Variants in NRG3 observed in about 807,000 individuals in gnomAD.
NRG3 encodes the protein pro-neuregulin-3, membrane-bound isoform.
Under a neutral mutation model 66.9 loss-of-function variants are expected in NRG3, and 31 were observed. The observed-to-expected ratio is 0.46, with a 90% confidence interval of 0.35 to 0.63. NRG3 has a LOEUF of 0.63. NRG3 is among the 20% of genes least tolerant of loss of function. The pLI, the probability that NRG3 is intolerant of heterozygous loss-of-function variation, is 0.00. For synonymous variants in NRG3, 393 were observed against 359.4 expected (o/e 1.09, Z -1.06); for missense variants, 910 against 878.9 (o/e 1.04, Z -0.45).
At chr10:82,347,896 CT>C in intron 1 of NRG3, among the ~76,000 whole-genome samples, 1 of 151,674 alleles carries the variant, frequency 6.6e-6, no homozygotes, top group South Asian at 2.1e-4. Context: ...CAACCCCTGC[CT>C]TTTTTTGTTT....
intron 2 of NRG3, among the ~76,000 whole-genome samples, chr10:82,457,737 T>G (rs1384126592): frequency 6.6e-6 from 1 of 152,202 alleles, no homozygotes; most frequent in Non-Finnish European, 1.5e-5. Context: ...GAAGATCCCC[T>G]GACCAGCATC....
At chr10:82,401,179 C>T (rs2136054279) in intron 2 of NRG3, among the ~76,000 whole-genome samples, 1 of 152,096 alleles carries the variant, frequency 6.6e-6, no homozygotes, top group Admixed American at 6.5e-5. Context: ...GTAAGCTAAA[C>T]CTAGAAGACT....
At position 82,957,550 on chromosome 10, in the gene NRG3, C is replaced by T. The variant is rs182809577; in HGVS notation, c.1158-1399C>T. 4.7e-4 allele frequency among the ~76,000 whole-genome samples: 71 copies of T among 152,034 alleles called. No homozygotes were observed. In the South Asian group the frequency reaches 8.7e-3, roughly 19 times the overall value. The stretch of plus-strand genomic sequence containing the variant: ...GAGAAGGACATGAAGGGAGCAGTCA[C>T]GTAGGCAAATGCCTGATTACAAGAA... On this transcript the variant is annotated intron_variant, in intron 5 of 8. Transcript: ENST00000372141.
chr10:82,722,189 G>A (rs988508520), intron 2 of NRG3, among the ~76,000 whole-genome samples: 2 of 152,264 alleles, frequency 1.3e-5, no homozygotes, highest in Middle Eastern at 3.4e-3. Flanking sequence ...GACCCCTTAT[G>A]CCCTTTGATG....
Position 82,600,238 on chromosome 10 carries a change from C to T in NRG3, c.954-138339C>T, listed in dbSNP as rs529099184. 5.6e-4 allele frequency among the ~76,000 whole-genome samples: 85 copies of T among 152,196 alleles called. 1 individual carries two copies. Among genetic ancestry groups the T allele is most frequent in the African/African-American group, 1.9e-3 (79 of 41,526 alleles). On this transcript the variant is annotated intron_variant, in intron 2 of 8. Coordinates refer to ENST00000372141, the MANE Select transcript of NRG3 (RefSeq NM_001010848.4). ...AAATGAACACAGCTAGAAATCTGCACTCAAGTGTTCATCCTGCCAGTAGTT... is the reference window on the plus strand; with the variant it reads ...AAATGAACACAGCTAGAAATCTGCATTCAAGTGTTCATCCTGCCAGTAGTT...
chr10:82,013,037 A>G (rs1369410733), intron 1 of NRG3, among the ~76,000 whole-genome samples: 1 of 152,064 alleles, frequency 6.6e-6, no homozygotes, highest in African/African-American at 2.4e-5. Flanking sequence ...ACCCCACTCT[A>G]CCAGTACCAA....
At chr10:82,315,505 T>C (rs1187266976) in intron 1 of NRG3, among the ~76,000 whole-genome samples, 2 of 123,046 alleles carry the variant, frequency 1.6e-5, no homozygotes, top group African/African-American at 3.1e-5. Flanking sequence ...GGCAGGAAAT[T>C]AGAAGGCAGT....
intron 1 of NRG3, among the ~76,000 whole-genome samples, chr10:81,882,242 G>C (rs1459151691): frequency 6.6e-6 from 1 of 152,080 alleles, no homozygotes; most frequent in Non-Finnish European, 1.5e-5. Context: ...CTGTGCAGTG[G>C]GCCTCTTTGG....
chr10:82,659,606 T>C, intron 2 of NRG3, among the ~76,000 whole-genome samples: 1 of 152,078 alleles, frequency 6.6e-6, no homozygotes, highest in East Asian at 1.9e-4. Context: ...ATCGTGCCAC[T>C]GCACTTCAGC....
chr10:82,705,023 C>T (rs1565221077), intron 2 of NRG3, among the ~76,000 whole-genome samples: 1 of 152,038 alleles, frequency 6.6e-6, no homozygotes, highest in Non-Finnish European at 1.5e-5. Flanking sequence ...TAATAGTGTT[C>T]ACAAACAATT....
chr10:81,935,568 GAAC>G (rs560321910), intron 1 of NRG3, among the ~76,000 whole-genome samples: 18 of 151,886 alleles, frequency 1.2e-4, no homozygotes, highest in African/African-American at 2.2e-4. Flanking sequence ...CTATTTCAGG[GAAC>G]AACAACAACA....
intron 6 of NRG3, among the ~76,000 whole-genome samples, chr10:82,965,840 G>A (rs1341727629): frequency 1.3e-5 from 2 of 152,114 alleles, no homozygotes; most frequent in Non-Finnish European, 2.9e-5. Flanking sequence ...TAGGTGAACT[G>A]TTTTGCTGAG....
chr10:82,611,607 T>G (rs1029058110), intron 2 of NRG3, among the ~76,000 whole-genome samples: 2 of 152,210 alleles, frequency 1.3e-5, no homozygotes, highest in Admixed American at 1.3e-4. Context: ...CTCATCCTTT[T>G]TTATGGCTGC....
At chr10:82,709,815 C>T (rs1488328055) in intron 2 of NRG3, among the ~76,000 whole-genome samples, 3 of 152,210 alleles carry the variant, frequency 2.0e-5, no homozygotes, top group Non-Finnish European at 4.4e-5. Context: ...TTCCCATTGT[C>T]TGGGTCCAGG....
rs577403546 is a variant in NRG3, at chr10:82,702,987, A to G, written c.954-35590A>G. On this transcript the variant is annotated intron_variant, in intron 2 of 8. Coordinates refer to ENST00000372141, the MANE Select transcript of NRG3 (RefSeq NM_001010848.4). ...CTGCCATTTTTTTTGTTGTTATTTT[A>G]TCTATTTTTTCTTGGTCTCCTTCCT... 1.5e-4 allele frequency among the ~76,000 whole-genome samples: 23 copies of G among 150,638 alleles called. 1 individual carries two copies. In the South Asian group the frequency reaches 2.9e-3, roughly 19 times the overall value.
chr10:82,110,737 G>C (rs991429945), intron 1 of NRG3, among the ~76,000 whole-genome samples: 5 of 152,100 alleles, frequency 3.3e-5, no homozygotes, highest in African/African-American at 1.2e-4. Context: ...GTTTATGTCA[G>C]ATGTCTTTAT....
intron 2 of NRG3, among the ~76,000 whole-genome samples, chr10:82,381,770 C>T (rs1215311956): frequency 6.6e-6 from 1 of 152,114 alleles, no homozygotes; most frequent in Non-Finnish European, 1.5e-5. Context: ...GGAAAACAAG[C>T]ATAAGCTGGG....
chr10:82,712,270 G>A (rs925102310), intron 2 of NRG3, among the ~76,000 whole-genome samples: 11 of 152,050 alleles, frequency 7.2e-5, no homozygotes, highest in South Asian at 2.1e-4. Context: ...TTATACTAAG[G>A]TTAAAAAATA....
chr10:82,713,506 C>T (rs992896923), intron 2 of NRG3, among the ~76,000 whole-genome samples: 1 of 152,092 alleles, frequency 6.6e-6, no homozygotes, highest in Non-Finnish European at 1.5e-5. Flanking sequence ...GCCTGAGCAA[C>T]TCAAAAAAGA....
Sources: gnomAD v4.1 joint callset for allele counts (sites outside exome capture counted in the v4.1 genomes callset) on GRCh38, gnomAD v4.1.1 for gene constraint, MANE v1.5 for transcripts, NCBI Gene and HGNC (gene_info 2026-07-23, HGNC 2026-07-21) for gene names.